Variants in DOCK3 observed in about 807,000 individuals in gnomAD.
The protein encoded by DOCK3 is dedicator of cytokinesis 3.
DOCK3 carries 60 observed loss-of-function variants against 265.6 expected under a neutral mutation model. The observed-to-expected ratio is 0.23, with a 90% confidence interval of 0.18 to 0.28. The LOEUF (loss-of-function observed/expected upper bound fraction) is 0.28, where lower values mean the gene tolerates loss of function less well. DOCK3 is among the 10% of genes least tolerant of loss of function. The pLI, the probability that DOCK3 is intolerant of heterozygous loss-of-function variation, is 1.00. For synonymous variants in DOCK3, 881 were observed against 938.0 expected (o/e 0.94, Z 1.11); for missense variants, 1,981 against 2,594.3 (o/e 0.76, Z 5.14).
At chr3:51,119,054 G>T (rs2083896704) in intron 9 of DOCK3, among the ~76,000 whole-genome samples, 1 of 152,120 alleles carries the variant, frequency 6.6e-6, no homozygotes, top group African/African-American at 2.4e-5. Flanking sequence ...AGTTGATGCA[G>T]TTTCTTCATA....
intron 5 of DOCK3, among the ~76,000 whole-genome samples, chr3:50,990,860 A>G (rs760715545): frequency 3.0e-4 from 46 of 152,120 alleles, no homozygotes; most frequent in Non-Finnish European, 5.7e-4. Flanking sequence ...GCCCACCCCA[A>G]TTGAGGATGG....
At chr3:50,841,368 C>T in intron 2 of DOCK3, among the ~76,000 whole-genome samples, 1 of 152,172 alleles carries the variant, frequency 6.6e-6, no homozygotes, top group Non-Finnish European at 1.5e-5. Context: ...TTTAGCATTT[C>T]TCTGCCCCAA....
intron 2 of DOCK3, among the ~76,000 whole-genome samples, chr3:50,831,967 T>A (rs2045205208): frequency 6.6e-6 from 1 of 152,224 alleles, no homozygotes; most frequent in Non-Finnish European, 1.5e-5. Flanking sequence ...GATTTGCATT[T>A]CTCTAATGAC....
At chr3:51,008,242 C>A (rs1371649143) in intron 5 of DOCK3, among the ~76,000 whole-genome samples, 1 of 152,144 alleles carries the variant, frequency 6.6e-6, no homozygotes, top group South Asian at 2.1e-4. Flanking sequence ...GATATGGATT[C>A]TTCCTATCCA....
chr3:51,120,409 C>T (rs2083957548), intron 9 of DOCK3, among the ~76,000 whole-genome samples: 1 of 152,202 alleles, frequency 6.6e-6, no homozygotes. Flanking sequence ...TCGACCCCTA[C>T]TGGGAGTTGT....
chr3:51,013,537 G>A (rs1483486223), intron 5 of DOCK3, among the ~76,000 whole-genome samples: 1 of 152,110 alleles, frequency 6.6e-6, no homozygotes, highest in Non-Finnish European at 1.5e-5. Flanking sequence ...TCATTCCTCT[G>A]GAAGCTTTGT....
At chr3:50,901,448 T>A (rs993742608) in intron 4 of DOCK3, among the ~76,000 whole-genome samples, 1 of 148,056 alleles carries the variant, frequency 6.8e-6, no homozygotes, top group Non-Finnish European at 1.5e-5. Context: ...ACCACTTGGC[T>A]CTCTGGCTTC....
At chr3:50,912,732 C>A (rs1202464015) in intron 4 of DOCK3, among the ~76,000 whole-genome samples, 1 of 151,840 alleles carries the variant, frequency 6.6e-6, no homozygotes, top group Non-Finnish European at 1.5e-5. Context: ...CTGCCACAGG[C>A]CCACAGGCCC....
chr3:51,154,054 C>T (rs928990640), intron 10 of DOCK3, among the ~76,000 whole-genome samples: 1 of 152,158 alleles, frequency 6.6e-6, no homozygotes, highest in African/African-American at 2.4e-5. Context: ...TACATTGGGC[C>T]TCTTAAATGC....
chr3:51,246,660 A>G (rs2078855874), intron 21 of DOCK3, 66 bp from the exon 22 acceptor site: 3 of 1,440,606 alleles, frequency 2.1e-6, no homozygotes, highest in African/African-American at 1.4e-5. Context: ...ATTCAGGGCT[A>G]CAGATGTTTC....
At chr3:50,927,748 G>A (rs1443309500) in intron 4 of DOCK3, among the ~76,000 whole-genome samples, 3 of 152,082 alleles carry the variant, frequency 2.0e-5, no homozygotes, top group Non-Finnish European at 4.4e-5. Context: ...CCCAGATGCA[G>A]GAAGAGTGAT....
intron 27 of DOCK3, among the ~76,000 whole-genome samples, chr3:51,304,154 A>G (rs1057232597): frequency 5.3e-5 from 8 of 152,286 alleles, no homozygotes; most frequent in South Asian, 2.1e-4. Context: ...CCACTGAAGA[A>G]GAATGGGTCA....
At chr3:51,309,738 A>G (rs957415322) in intron 27 of DOCK3, among the ~76,000 whole-genome samples, 2 of 152,210 alleles carry the variant, frequency 1.3e-5, no homozygotes, top group Admixed American at 6.5e-5. Context: ...CCTTTGGTTA[A>G]CCAGTATTAG....
chr3:51,175,348 A>G (rs964350466), intron 12 of DOCK3, among the ~76,000 whole-genome samples: 11 of 152,158 alleles, frequency 7.2e-5, no homozygotes, highest in Admixed American at 2.0e-4. Flanking sequence ...TGGGAATGCA[A>G]GACCACTCAG....
intron 5 of DOCK3, among the ~76,000 whole-genome samples, chr3:51,011,261 C>G (rs1464846431): frequency 6.6e-6 from 1 of 152,216 alleles, no homozygotes; most frequent in African/African-American, 2.4e-5. Context: ...GTATACCAAT[C>G]AGACGTGTAC....
chr3:51,170,695 A>T (rs1361206385), intron 12 of DOCK3, among the ~76,000 whole-genome samples: 1 of 152,204 alleles, frequency 6.6e-6, no homozygotes, highest in Non-Finnish European at 1.5e-5. Context: ...CTGTAATCCC[A>T]GCGCTTTGGG....
intron 12 of DOCK3, among the ~76,000 whole-genome samples, chr3:51,180,646 T>C (rs1328134515): frequency 1.3e-5 from 2 of 152,210 alleles, no homozygotes; most frequent in African/African-American, 2.4e-5. Flanking sequence ...ATAATCTCCT[T>C]ATCTCAAAAT....
At chr3:50,731,009 A>G (rs947127107) in intron 1 of DOCK3, among the ~76,000 whole-genome samples, 42 of 149,156 alleles carry the variant, frequency 2.8e-4, no homozygotes, top group Admixed American at 1.2e-3. Context: ...GTGGGCGCCT[A>G]TAGTCCCAGC....
At chr3:50,937,770 A>G (rs552462793) in intron 5 of DOCK3, among the ~76,000 whole-genome samples, 68 of 152,304 alleles carry the variant, frequency 4.5e-4, no homozygotes, top group Non-Finnish European at 8.8e-4. Context: ...AATAAAAAGT[A>G]CTGTAAAATC....
Sources: allele counts gnomAD v4.1 joint callset (sites outside exome capture counted in the v4.1 genomes callset), GRCh38; gene constraint gnomAD v4.1.1; transcripts MANE v1.5; gene names NCBI Gene and HGNC (gene_info 2026-07-23, HGNC 2026-07-21).